The following LIN28B variants were observed in gnomAD, a reference collection of about 807,000 sequenced individuals.
LIN28B encodes lin-28 RNA binding posttranscriptional regulator B, also known as protein lin-28 homolog B.
Under a neutral mutation model 21.9 loss-of-function variants are expected in LIN28B, and 5 were observed. That is an observed-to-expected ratio of 0.23 (90% CI 0.12 to 0.48). The LOEUF is 0.48. Among genes scored for constraint, LIN28B ranks in the 20% least tolerant of loss-of-function variants. The pLI, the probability that LIN28B is intolerant of heterozygous loss-of-function variation, is 0.98. For missense variants in LIN28B, 245 were observed against 310.5 expected (o/e 0.79, Z 1.58); for synonymous variants, 109 against 111.3 (o/e 0.98, Z 0.13).
chr6:104,980,358 A>G (rs1770193727), intron 2 of LIN28B, among the ~76,000 whole-genome samples: 1 of 152,196 alleles, frequency 6.6e-6, no homozygotes, highest in Non-Finnish European at 1.5e-5. Flanking sequence ...ACCACAGAGT[A>G]ATGAGGAAAA....
chr6:105,000,389 C>T (rs929086994), intron 2 of LIN28B, among the ~76,000 whole-genome samples: 1 of 152,054 alleles, frequency 6.6e-6, no homozygotes, highest in Admixed American at 6.6e-5. Context: ...TTTTTACTTT[C>T]TGTTTTTCTT....
intron 3 of LIN28B, among the ~76,000 whole-genome samples, chr6:105,056,740 T>A (rs1465281314): frequency 6.6e-6 from 1 of 152,202 alleles, no homozygotes; most frequent in African/African-American, 2.4e-5. Flanking sequence ...TTCTCTCCAG[T>A]ATCCTGTCCC....
chr6:104,992,145 T>A (rs866121740), intron 2 of LIN28B, among the ~76,000 whole-genome samples: 45 of 151,738 alleles, frequency 3.0e-4, no homozygotes, highest in African/African-American at 8.2e-4. Flanking sequence ...CACCGTAACC[T>A]CCGCCTTTGG....
chr6:105,047,177 A>C (rs1438196632), intron 3 of LIN28B, among the ~76,000 whole-genome samples: 1 of 152,030 alleles, frequency 6.6e-6, no homozygotes, highest in African/African-American at 2.4e-5. Flanking sequence ...TTTAATTCAT[A>C]TTGAATTAAT....
At chr6:104,968,083 A>G (rs1769900489) in intron 2 of LIN28B, among the ~76,000 whole-genome samples, 1 of 152,252 alleles carries the variant, frequency 6.6e-6, no homozygotes, top group Admixed American at 6.5e-5. Flanking sequence ...GATTATAAAA[A>G]TCGTGGTTCA....
At chr6:105,047,501 G>A (rs1331793651) in intron 3 of LIN28B, among the ~76,000 whole-genome samples, 1 of 152,104 alleles carries the variant, frequency 6.6e-6, no homozygotes, top group African/African-American at 2.4e-5. Context: ...GGCAATGAGG[G>A]CCCTTTTTTG....
intron 3 of LIN28B, among the ~76,000 whole-genome samples, chr6:105,033,603 C>G (rs571455944): frequency 6.6e-6 from 1 of 151,742 alleles, no homozygotes; most frequent in Non-Finnish European, 1.5e-5. Context: ...ACATTTCAAA[C>G]GAAATAATTT....
At position 105,081,345 on chromosome 6, in the gene LIN28B, T is replaced by C. The variant is rs1250205811; in HGVS notation, c.*2562T>C. 1 of 152,672 alleles carries C rather than the reference T, an allele frequency of 6.5e-6. No individual in the cohort carries two copies. The highest frequency in any genetic ancestry group is 1.5e-5 in the Non-Finnish European group (1 of 68,054). The allele number at this position is 152,672 out of a possible 1,614,324, so 9.5% of individuals were successfully genotyped here. A position where few individuals can be genotyped will look rare whatever the true frequency, so the allele number is the denominator to read the frequency against. On this transcript the variant is annotated 3_prime_UTR_variant, in exon 4 of 4. Transcript: ENST00000345080. The stretch of plus-strand genomic sequence containing the variant: ...CATGTGAAAACTCCTCTAAAGCAGA[T>C]TCCCTCAACTCTGTGCATATGTGAA...
At chr6:105,031,253 C>T (rs925476774) in intron 3 of LIN28B, among the ~76,000 whole-genome samples, 2 of 151,922 alleles carry the variant, frequency 1.3e-5, no homozygotes, top group Non-Finnish European at 2.9e-5. Context: ...CCAGATTTGA[C>T]CAGTAGGAGC....
intron 2 of LIN28B, among the ~76,000 whole-genome samples, chr6:105,012,215 C>T (rs1770938497): frequency 6.6e-6 from 1 of 151,606 alleles, no homozygotes; most frequent in South Asian, 2.1e-4. Flanking sequence ...CACCTGTAAT[C>T]CCAGCACTTT....
chr6:104,949,547 T>C (rs1341028155), intron 2 of LIN28B, among the ~76,000 whole-genome samples: 1 of 152,202 alleles, frequency 6.6e-6, no homozygotes, highest in Non-Finnish European at 1.5e-5. Flanking sequence ...CTTAAATAAT[T>C]TGCACAGAAT....
intron 2 of LIN28B, among the ~76,000 whole-genome samples, chr6:104,947,034 T>A (rs1375575302): frequency 6.6e-6 from 1 of 152,234 alleles, no homozygotes; most frequent in Non-Finnish European, 1.5e-5. Flanking sequence ...TAGCATGATG[T>A]GAATTGAAAT....
At chr6:105,005,394 T>A (rs1437678321) in intron 2 of LIN28B, among the ~76,000 whole-genome samples, 1 of 152,198 alleles carries the variant, frequency 6.6e-6, no homozygotes, top group East Asian at 1.9e-4. Flanking sequence ...CTATTCTCAA[T>A]AAAGTGTTCT....
intron 2 of LIN28B, among the ~76,000 whole-genome samples, chr6:104,975,008 TG>T (rs1364083052): frequency 1.3e-5 from 2 of 151,978 alleles, no homozygotes; most frequent in Non-Finnish European, 2.9e-5. Flanking sequence ...TTAGTAGACA[TG>T]GGGTTTCACC....
chr6:104,977,584 T>A (rs533013278), intron 2 of LIN28B, among the ~76,000 whole-genome samples: 1 of 152,216 alleles, frequency 6.6e-6, no homozygotes, highest in East Asian at 1.9e-4. Flanking sequence ...GTTGTTGTTG[T>A]TGAGACAGAC....
At chr6:104,997,685 A>C (rs1770641144) in intron 2 of LIN28B, among the ~76,000 whole-genome samples, 1 of 152,162 alleles carries the variant, frequency 6.6e-6, no homozygotes, top group South Asian at 2.1e-4. Flanking sequence ...TGATGGTAGA[A>C]TTTCTAATGG....
chr6:104,942,767 A>G (rs1278363671), intron 2 of LIN28B, among the ~76,000 whole-genome samples: 1 of 152,176 alleles, frequency 6.6e-6, no homozygotes, highest in Non-Finnish European at 1.5e-5. Context: ...CTACCAATGA[A>G]TAAAAAAGTT....
chr6:104,990,387 A>C (rs888614533), intron 2 of LIN28B, among the ~76,000 whole-genome samples: 3 of 151,868 alleles, frequency 2.0e-5, no homozygotes, highest in Admixed American at 6.6e-5. Flanking sequence ...TGTCTAAGAG[A>C]ATCTGATAAT....
chr6:104,938,773 G>A (rs923527752), intron 2 of LIN28B, among the ~76,000 whole-genome samples: 1 of 151,874 alleles, frequency 6.6e-6, no homozygotes, highest in Non-Finnish European at 1.5e-5. Context: ...GCCTATCAAT[G>A]TTCATCATCG....
Sources: allele counts gnomAD v4.1 joint callset (sites outside exome capture counted in the v4.1 genomes callset), GRCh38; gene constraint gnomAD v4.1.1; transcripts MANE v1.5; gene names NCBI Gene and HGNC (gene_info 2026-07-23, HGNC 2026-07-21).